SPART: variants seen among roughly 807,000 people sequenced by gnomAD.
SPART encodes spartin, also known as spastic paraplegia 20 (Troyer syndrome).
In SPART, 35 loss-of-function variants were observed where a neutral mutation model predicts 58.7. That is an observed-to-expected ratio of 0.60 (90% CI 0.46 to 0.79). SPART has a LOEUF of 0.79. Among genes scored for constraint, SPART ranks in the 30% least tolerant of loss-of-function variants. The probability of loss-of-function intolerance (pLI) is 0.00; values close to 1 mark genes in which losing one functional copy is unlikely to be tolerated. For synonymous variants in SPART, 284 were observed against 280.7 expected, an observed-to-expected ratio of 1.01 and a Z score of -0.12; for missense variants, 730 against 786.1, an observed-to-expected ratio of 0.93 and a Z score of 0.85.
At chr13:36,315,434 T>C (rs1183361975) in intron 5 of SPART, among the ~76,000 whole-genome samples, 1 of 152,242 alleles carries the variant, frequency 6.6e-6, no homozygotes, top group South Asian at 2.1e-4. Flanking sequence ...TCTCAAGGTC[T>C]GTGGCATGGT....
At chr13:36,368,285 T>C in intron 1 of SPART, 1 of 362,974 alleles carries the variant, frequency 2.8e-6, no homozygotes, top group Non-Finnish European at 5.7e-6. Context: ...ATAAATGAGC[T>C]TCCAAATGAA....
chr13:36,340,481 AAG>A (rs1233072328), intron 1 of SPART, among the ~76,000 whole-genome samples: 3 of 152,194 alleles, frequency 2.0e-5, no homozygotes, highest in African/African-American at 7.2e-5. Context: ...CACACAAAAA[AAG>A]AGAGAGAAGT....
intron 5 of SPART, among the ~76,000 whole-genome samples, chr13:36,325,280 T>C (rs1305331199): frequency 6.6e-6 from 1 of 152,230 alleles, no homozygotes; most frequent in Non-Finnish European, 1.5e-5. Context: ...AGATTTTTCA[T>C]TGCAGTTTCT....
upstream of SPART, among the ~76,000 whole-genome samples, chr13:36,350,814 T>A (rs964911413): frequency 2.6e-5 from 4 of 152,340 alleles, no homozygotes; most frequent in Admixed American, 6.5e-5. Flanking sequence ...AGCTGTGTAT[T>A]TCTTGCATAA....
intron 1 of SPART, among the ~76,000 whole-genome samples, chr13:36,359,184 A>T (rs1164981126): frequency 6.6e-6 from 1 of 152,232 alleles, no homozygotes; most frequent in African/African-American, 2.4e-5. Context: ...TATGCTCAGC[A>T]TGATTAGTTT....
chr13:36,343,358 T>A (rs1437135189), intron 1 of SPART, among the ~76,000 whole-genome samples: 2 of 152,096 alleles, frequency 1.3e-5, no homozygotes, highest in African/African-American at 4.8e-5. Context: ...TAAAATTTTT[T>A]AAAAAAGGAA....
intron 1 of SPART, among the ~76,000 whole-genome samples, chr13:36,367,714 C>T (rs947132402): frequency 6.6e-6 from 1 of 152,166 alleles, no homozygotes; most frequent in East Asian, 1.9e-4. Context: ...AGTGTATTCC[C>T]GGTCTTGTTA....
At chr13:36,369,183 C>A (rs1414878928) in intron 1 of SPART, among the ~76,000 whole-genome samples, 1 of 151,938 alleles carries the variant, frequency 6.6e-6, no homozygotes. Flanking sequence ...AGAGGCCATA[C>A]AAAATGAAAA....
At chr13:36,316,588 C>A (rs1374220139) in intron 5 of SPART, among the ~76,000 whole-genome samples, 1 of 152,104 alleles carries the variant, frequency 6.6e-6, no homozygotes, top group African/African-American at 2.4e-5. Flanking sequence ...TCCTACCTGA[C>A]AGAGAACAAA....
intron 2 of SPART, among the ~76,000 whole-genome samples, chr13:36,333,016 T>C (rs9575925): frequency 0.24 from 35,553 of 150,728 alleles, 4,588 homozygotes; most frequent in East Asian, 0.5. Flanking sequence ...TTTTTCTTTT[T>C]TTTTTCTTTT....
intron 1 of SPART, chr13:36,365,629 T>G (rs1408140366): frequency 2.1e-6 from 1 of 468,984 alleles, no homozygotes; most frequent in Non-Finnish European, 4.4e-6. Flanking sequence ...TTATCCAACT[T>G]TATCCCTAGT....
intron 1 of SPART, among the ~76,000 whole-genome samples, chr13:36,337,750 G>A (rs537913432): frequency 2.8e-4 from 42 of 152,244 alleles, no homozygotes; most frequent in Middle Eastern, 3.4e-3. Flanking sequence ...ATATTGTGGT[G>A]GTTGGATTCA....
At chr13:36,331,291 C>T (rs762347189) in intron 3 of SPART, 108 bp downstream of exon 3, 54 of 945,730 alleles carry the variant, frequency 5.7e-5, no homozygotes, top group Non-Finnish European at 8.9e-5. Flanking sequence ...GGTGAACTGT[C>T]AGTCTCCTAA....
intron 1 of SPART, among the ~76,000 whole-genome samples, chr13:36,356,210 T>C: frequency 6.6e-6 from 1 of 152,208 alleles, no homozygotes; most frequent in African/African-American, 2.4e-5. Context: ...CCTTTGTCAA[T>C]TAATCTTTAC....
chr13:36,366,336 A>C (rs2137734434), intron 1 of SPART, among the ~76,000 whole-genome samples: 1 of 152,290 alleles, frequency 6.6e-6, no homozygotes, highest in South Asian at 2.1e-4. Flanking sequence ...TCTCTCTATC[A>C]AAATTATCAC....
intron 1 of SPART, among the ~76,000 whole-genome samples, chr13:36,363,108 CCA>C (rs1284869312): frequency 1.3e-5 from 2 of 152,128 alleles, no homozygotes; most frequent in African/African-American, 4.8e-5. Context: ...GGTCCACAGA[CCA>C]CACTTTGAGT....
chr13:36,326,814 T>C (rs1330863083), intron 4 of SPART, 116 bp from the exon 5 acceptor site: 3 of 1,161,306 alleles, frequency 2.6e-6, no homozygotes, highest in Admixed American at 4.0e-5. Context: ...ATGAAAAATA[T>C]CTCCAGCCAA....
intron 1 of SPART, among the ~76,000 whole-genome samples, chr13:36,336,821 G>GA (rs1430922101): frequency 3.3e-5 from 5 of 151,934 alleles, no homozygotes; most frequent in Admixed American, 3.3e-4. Flanking sequence ...ATAATACACA[G>GA]AAAAAAAATT....
chr13:36,322,945 CTTGT>C (rs1159808875), intron 5 of SPART, among the ~76,000 whole-genome samples: 3 of 152,254 alleles, frequency 2.0e-5, no homozygotes, highest in South Asian at 2.1e-4. Context: ...AATAGGAGGA[CTTGT>C]TTGTCTATTC....
Sources: allele counts gnomAD v4.1 joint callset (sites outside exome capture counted in the v4.1 genomes callset), GRCh38; gene constraint gnomAD v4.1.1; transcripts MANE v1.5; gene names NCBI Gene and HGNC (gene_info 2026-07-23, HGNC 2026-07-21).